The following FRMPD4 variants were observed in gnomAD, a reference collection of about 807,000 sequenced individuals.
FRMPD4 encodes FERM and PDZ domain containing 4, also known as FERM and PDZ domain-containing protein 4.
Under a neutral mutation model 94.1 loss-of-function variants are expected in FRMPD4, and 22 were observed. The ratio of observed to expected loss-of-function variants is 0.23; its 90% CI spans 0.17 to 0.33. FRMPD4 has a LOEUF of 0.33. Among genes scored for constraint, FRMPD4 ranks in the 10% least tolerant of loss-of-function variants. The pLI is 1.00. For synonymous variants in FRMPD4, 631 were observed against 548.6 expected, an observed-to-expected ratio of 1.15 and a Z score of -2.10; for missense variants, 1,111 against 1,339.9, an observed-to-expected ratio of 0.83 and a Z score of 2.67.
intron 3 of FRMPD4, among the ~76,000 whole-genome samples, chrX:11,989,548 TAGAA>T (rs754834186): frequency 1.8e-5 from 2 of 110,156 alleles, no homozygotes; most frequent in Admixed American, 9.7e-5. Context: ...GCACAAAAAA[TAGAA>T]AGAATGAATA....
At chrX:12,095,704 G>A (rs2055193923) in intron 3 of FRMPD4, among the ~76,000 whole-genome samples, 1 of 112,181 alleles carries the variant, frequency 8.9e-6, no homozygotes, top group South Asian at 3.7e-4. Context: ...GTCCAAGGAA[G>A]TTCTAAGTAG....
intron 3 of FRMPD4, among the ~76,000 whole-genome samples, chrX:11,956,768 G>A (rs976115967): frequency 2.7e-5 from 3 of 112,079 alleles, no homozygotes; most frequent in Non-Finnish European, 3.8e-5. Flanking sequence ...CCACATTAAA[G>A]TTAGAGAGAA....
At chrX:12,110,257 G>C (rs1253465830) in intron 3 of FRMPD4, among the ~76,000 whole-genome samples, 1 of 112,155 alleles carries the variant, frequency 8.9e-6, no homozygotes, top group African/African-American at 3.2e-5. Flanking sequence ...ATGCAAGGCT[G>C]GTTCAACATA....
At chrX:11,866,998 C>T (rs1040534590) in intron 2 of FRMPD4, among the ~76,000 whole-genome samples, 4 of 110,590 alleles carry the variant, frequency 3.6e-5, no homozygotes, top group Non-Finnish European at 7.6e-5. Context: ...TTGCATATCA[C>T]AACAGCCTAT....
chrX:12,079,647 T>C (rs2055047180), intron 3 of FRMPD4, among the ~76,000 whole-genome samples: 1 of 112,094 alleles, frequency 8.9e-6, no homozygotes, highest in Non-Finnish European at 1.9e-5. Flanking sequence ...CATGAAAGAT[T>C]ATTTCCATTT....
chrX:11,843,616 G>T (rs2066561723), intron 1 of FRMPD4, among the ~76,000 whole-genome samples: 1 of 110,361 alleles, frequency 9.1e-6, no homozygotes, highest in African/African-American at 3.3e-5. Context: ...GGAGCACACT[G>T]GTATGAGTAT....
At chrX:12,041,645 A>G (rs2054756501) in intron 3 of FRMPD4, among the ~76,000 whole-genome samples, 1 of 102,740 alleles carries the variant, frequency 9.7e-6, no homozygotes, top group Non-Finnish European at 2.0e-5. Flanking sequence ...CTCTGTGTTT[A>G]TCTTACTTGG....
chrX:12,074,109 A>G (rs1025076927), intron 3 of FRMPD4, among the ~76,000 whole-genome samples: 12 of 112,253 alleles, frequency 1.1e-4, no homozygotes, highest in African/African-American at 3.6e-4. Context: ...ATTACATTGT[A>G]TATGTTTTAG....
chrX:11,837,704 T>G (rs994431838), intron 1 of FRMPD4, among the ~76,000 whole-genome samples: 1 of 111,379 alleles, frequency 9.0e-6, no homozygotes, highest in Non-Finnish European at 1.9e-5. Flanking sequence ...GGAGTTCGTT[T>G]GTTTTTAAAT....
At chrX:12,694,734 C>T (rs1298777604) in intron 9 of FRMPD4, among the ~76,000 whole-genome samples, 4 of 112,058 alleles carry the variant, frequency 3.6e-5, no homozygotes, top group African/African-American at 1.3e-4. Context: ...AGTATATACA[C>T]GTTTTCTCTG....
Position 12,720,692 on chromosome X carries a change from G to C in FRMPD4, c.4123G>C (p.Ala1375Pro). 2 of 1,087,052 alleles carry C rather than the reference G, an allele frequency of 1.8e-6. No homozygotes were observed. The highest frequency in any genetic ancestry group is 2.4e-6 in the Non-Finnish European group (2 of 836,533). The allele number at this position is 1,087,052 out of a possible 1,213,427, so 89.6% of individuals were successfully genotyped here. The change falls in exon 17 of 17, where the codon GCA becomes CCA. Residue 1375 changes from alanine to proline, a missense_variant. Transcript: ENST00000675598. ...DPNDFSQANQ[A>P]YGEAVSWRPP... is the part of the protein sequence containing the mutation. The stretch of plus-strand genomic sequence containing the variant: ...TAATGATTTCTCCCAAGCAAATCAG[G>C]CATACGGAGAGGCTGTGAGCTGGCG...
chrX:12,166,697 G>A (rs187550190), intron 1 of FRMPD4, among the ~76,000 whole-genome samples: 15,651 of 110,100 alleles, frequency 0.14, 961 homozygotes, highest in South Asian at 0.29. Context: ...TTTTTTGGTT[G>A]GTAGGCTATT....
At chrX:12,640,296 CAAA>C (rs1157854116) in intron 4 of FRMPD4, among the ~76,000 whole-genome samples, 1 of 23,804 alleles carries the variant, frequency 4.2e-5, no homozygotes, top group African/African-American at 1.9e-4. Context: ...GAGGCTGTCT[CAAA>C]AAAAAAAAAA....
At chrX:12,253,648 G>T (rs2054073724) in intron 1 of FRMPD4, among the ~76,000 whole-genome samples, 1 of 111,718 alleles carries the variant, frequency 9.0e-6, no homozygotes, top group South Asian at 3.7e-4. Flanking sequence ...AAAATAATTG[G>T]ATAATGTGTG....
chrX:12,400,587 G>A (rs896224687), intron 1 of FRMPD4, among the ~76,000 whole-genome samples: 1 of 111,972 alleles, frequency 8.9e-6, no homozygotes, highest in African/African-American at 3.2e-5. Context: ...CCCTACTCTT[G>A]AGATTTTTTA....
rs757786377 is a variant in FRMPD4, at chrX:12,705,196, CT to C, written c.1197+715del. ...TCATTAGTGTTAAAATCTTTTTATG[CT>C]TTTGTTTTTGTTTTCATTAAGTAAG... On this transcript the variant is annotated intron_variant, in intron 11 of 16. Coordinates refer to ENST00000675598, the MANE Select transcript of FRMPD4 (RefSeq NM_001368397.1). Among the ~76,000 whole-genome samples, 7 of 111,966 alleles carry C rather than the reference CT, an allele frequency of 6.3e-5. No individual in the cohort carries two copies. The South Asian group carries it at 2.6e-3, about 42-fold the overall frequency.
chrX:12,638,921 CA>C (rs2059468141), intron 4 of FRMPD4, among the ~76,000 whole-genome samples: 1 of 111,280 alleles, frequency 9.0e-6, no homozygotes, highest in Non-Finnish European at 1.9e-5. Context: ...CCACGCTGGC[CA>C]TTATGGCTGT....
chrX:11,942,444 A>C (rs12557570), intron 3 of FRMPD4, among the ~76,000 whole-genome samples: 1 of 111,438 alleles, frequency 9.0e-6, no homozygotes, highest in Non-Finnish European at 1.9e-5. Flanking sequence ...AATGACTTAA[A>C]TAAAAGTTAA....
chrX:12,007,831 G>GGAATAACT (rs2054561835), intron 3 of FRMPD4, among the ~76,000 whole-genome samples: 2 of 112,231 alleles, frequency 1.8e-5, no homozygotes, highest in African/African-American at 6.5e-5. Flanking sequence ...TGCCCTTACA[G>GGAATAACT]GAATAACTGA....
Sources: allele counts gnomAD v4.1 joint callset (sites outside exome capture counted in the v4.1 genomes callset), GRCh38; gene constraint gnomAD v4.1.1; transcripts MANE v1.5; gene names NCBI Gene and HGNC (gene_info 2026-07-23, HGNC 2026-07-21).